The following ZCCHC14 variants were observed in gnomAD, a reference collection of about 807,000 sequenced individuals.
ZCCHC14 encodes the protein zinc finger CCHC-type containing 14.
Under a neutral mutation model 85.0 loss-of-function variants are expected in ZCCHC14, and 16 were observed. The ratio of observed to expected loss-of-function variants is 0.19; its 90% CI spans 0.13 to 0.29. The LOEUF is 0.29. Among genes scored for constraint, ZCCHC14 ranks in the 10% least tolerant of loss-of-function variants. The probability of loss-of-function intolerance (pLI) is 1.00; values close to 1 mark genes in which losing one functional copy is unlikely to be tolerated. For synonymous variants in ZCCHC14, 775 were observed against 630.7 expected (o/e 1.23, Z -3.43); for missense variants, 1,303 against 1,443.5 (o/e 0.90, Z 1.58).
At position 87,491,888 on chromosome 16, in the gene ZCCHC14, G is replaced by A; in HGVS notation, c.351C>T (p.His117=). Reference sequence around the variant, plus strand: ...CCTCGTTAAGCTGCAGCCCGTAGTTGTGGATGATGGAGTCGATGTGCGTGA... The same window carrying A: ...CCTCGTTAAGCTGCAGCCCGTAGTTATGGATGATGGAGTCGATGTGCGTGA... ...RTLTHIDSII[H]NYGLQLNEGR... The change falls in exon 1 of 13, where the codon CAC becomes CAT. Residue 117 remains histidine (H), a synonymous_variant. Transcript: ENST00000671377. The surrounding 1 kb of genome is among the most constrained non-coding windows in gnomAD (Gnocchi z 5.9). The A allele has an allele frequency of 1.3e-6, 2 of 1,540,350 alleles. No homozygotes were observed. Among genetic ancestry groups the A allele is most frequent in the South Asian group, 1.2e-5 (1 of 82,264 alleles).
chr16:87,426,972 C>T (rs975528111), intron 3 of ZCCHC14, among the ~76,000 whole-genome samples: 4 of 152,334 alleles, frequency 2.6e-5, no homozygotes, highest in East Asian at 1.9e-4. Context: ...ACGAGGCAGC[C>T]GTCCACAGAG....
At position 87,420,215 on chromosome 16, in the gene ZCCHC14, G is replaced by A. The variant is rs113165504; in HGVS notation, c.951-338C>T. Among the ~76,000 whole-genome samples, 1 of 152,202 alleles carries A rather than the reference G, an allele frequency of 6.6e-6. No homozygotes were observed. Among genetic ancestry groups the A allele is most frequent in the East Asian group, 1.9e-4 (1 of 5,196 alleles). On this transcript the variant is annotated intron_variant, in intron 5 of 12. Coordinates refer to ENST00000671377, the MANE Select transcript of ZCCHC14 (RefSeq NM_015144.3). The surrounding 1 kb of genome is among the most constrained non-coding windows in gnomAD (Gnocchi z 5.0). ...CAGCAGCACATTTACGGAACTGGTC[G>A]GCCATGTTACTTCGTGTGCCACGTG... is the stretch of plus-strand genomic sequence containing the variant.
chr16:87,420,080 G>A lies in ZCCHC14; in HGVS notation c.951-203C>T, dbSNP rs1050676363. On this transcript the variant is annotated intron_variant, in intron 5 of 12. Transcript: ENST00000671377. This position sits in a 1 kb window ranked among gnomAD's most constrained non-coding sequence, Gnocchi z 5.0. ...GCTTCTTCAAGCCCTTCCTCTCAAT[G>A]CTGTATTCATGGCCACCAAGGTTGA... is the stretch of plus-strand genomic sequence containing the variant. Among the ~76,000 whole-genome samples the A allele has an allele frequency of 6.6e-6, 1 of 152,212 alleles. No individual in the cohort carries two copies. The highest frequency in any genetic ancestry group is 1.5e-5 in the Non-Finnish European group (1 of 68,046).
At position 87,492,348 on chromosome 16, in the gene ZCCHC14, G is replaced by A; in HGVS notation, c.-110C>T. On this transcript the variant is annotated 5_prime_UTR_variant, in exon 1 of 13. Transcript: ENST00000671377. The surrounding 1 kb of genome is among the most constrained non-coding windows in gnomAD (Gnocchi z 6.7). ...GCCGGGACCGGGGACGCGCGGGCCGGGGCCGGGTCCGGGCGAGGGCGCGCG... is the reference window on the plus strand; with the variant it reads ...GCCGGGACCGGGGACGCGCGGGCCGAGGCCGGGTCCGGGCGAGGGCGCGCG... The A allele has an allele frequency of 3.9e-6, 1 of 257,952 alleles. No individual in the cohort carries two copies. Among genetic ancestry groups the A allele is most frequent in the Non-Finnish European group, 5.9e-6 (1 of 169,002 alleles). The allele number at this position is 257,952 out of a possible 1,614,324, so 16.0% of individuals were successfully genotyped here.
At chr16:87,436,270 T>C (rs117477602) in intron 2 of ZCCHC14, among the ~76,000 whole-genome samples, 2,544 of 152,368 alleles carry the variant, frequency 0.017, 25 homozygotes, top group Middle Eastern at 0.044. Flanking sequence ...AATTCTAGGC[T>C]CCAAATGTTG....
At chr16:87,452,971 G>GA (rs1182493550) in intron 2 of ZCCHC14, among the ~76,000 whole-genome samples, 1 of 152,256 alleles carries the variant, frequency 6.6e-6, no homozygotes, top group Non-Finnish European at 1.5e-5. Flanking sequence ...GGGGCCCTGA[G>GA]AAAGGAGAGA....
intron 2 of ZCCHC14, among the ~76,000 whole-genome samples, chr16:87,459,451 TCTC>T (rs1425149160): frequency 6.6e-6 from 1 of 150,712 alleles, no homozygotes; most frequent in Non-Finnish European, 1.5e-5. Context: ...TTCAAGCAAT[TCTC>T]CTGCCTCAGC....
intron 3 of ZCCHC14, among the ~76,000 whole-genome samples, chr16:87,427,763 C>T (rs898333470): frequency 2.6e-5 from 4 of 152,200 alleles, no homozygotes; most frequent in Non-Finnish European, 4.4e-5. Flanking sequence ...TCAGCCTCCT[C>T]AGTAGCTGGG....
intron 1 of ZCCHC14, among the ~76,000 whole-genome samples, chr16:87,488,328 G>C (rs1024951210): frequency 6.6e-6 from 1 of 152,142 alleles, no homozygotes; most frequent in Non-Finnish European, 1.5e-5. Context: ...TGGAACAGGC[G>C]ACTGCAGGAG....
In ZCCHC14 at chr16:87,411,892, G is replaced by A. The variant is rs1202351553; in HGVS notation, c.2829C>T (p.Tyr943=). 1.0e-5 allele frequency: 16 copies of A among 1,596,024 alleles called. No homozygotes were observed. The highest frequency in any genetic ancestry group is 1.3e-5 in the African/African-American group (1 of 74,806). ...SCGSSGLTVS[Y]ANYFQHPFSG... ...AGAACGGGTGCTGGAAGTAGTTGGC[G>A]TAGCTGACAGTCAGGCCACTCGAGC... Residue 943 remains tyrosine (Y), a synonymous_variant, in exon 12 of 13, where the codon TAC becomes TAT. Coordinates refer to ENST00000671377, the MANE Select transcript of ZCCHC14 (RefSeq NM_015144.3).
intron 3 of ZCCHC14, among the ~76,000 whole-genome samples, chr16:87,426,242 G>A (rs1283687983): frequency 6.6e-6 from 1 of 152,212 alleles, no homozygotes; most frequent in Non-Finnish European, 1.5e-5. Flanking sequence ...CCGGCCGTTA[G>A]AGGGGCATGG....
rs1911103116 is a variant in ZCCHC14 at position 87,458,740 on chromosome 16, C to T, written c.694+1268G>A. On this transcript the variant is annotated intron_variant, in intron 2 of 12. Coordinates refer to ENST00000671377, the MANE Select transcript of ZCCHC14 (RefSeq NM_015144.3). ...GTTGGGGGAGAGCGCACAGGGTGAG[C>T]GAGTGCGGCTCTGGGCCTCACGTGG... Among the ~76,000 whole-genome samples the T allele has an allele frequency of 2.6e-5, 4 of 152,256 alleles. No homozygotes were observed. In the South Asian group the frequency reaches 6.2e-4, roughly 24 times the overall value.
chr16:87,477,410 C>T (rs574293241), intron 1 of ZCCHC14, among the ~76,000 whole-genome samples: 2 of 152,290 alleles, frequency 1.3e-5, no homozygotes, highest in African/African-American at 4.8e-5. Context: ...TGGGGCAGCC[C>T]CGGGCATCAG....
chr16:87,420,813 GT>G lies in ZCCHC14; in HGVS notation c.841-98del, dbSNP rs1174184293. 1.0e-6 allele frequency: 1 copy of G among 971,032 alleles called. No homozygotes were observed. The highest frequency in any genetic ancestry group is 1.5e-6 in the Non-Finnish European group (1 of 652,732). 60.2% of individuals were successfully genotyped at this position (971,032 alleles called of 1,614,324 possible). A position where few individuals can be genotyped will look rare whatever the true frequency, so the allele number is the denominator to read the frequency against. ...GAAAACCTGGGGCAGGTGCTCCATG[GT>G]GCCGCCTGCTGGTCTGATATGATTT... On this transcript the variant is annotated intron_variant, in intron 4 of 12. Transcript: ENST00000671377. This position sits in a 1 kb window ranked among gnomAD's most constrained non-coding sequence, Gnocchi z 5.0.
intron 9 of ZCCHC14, 135 bp from the exon 10 acceptor site, chr16:87,414,676 A>C: frequency 8.1e-7 from 1 of 1,239,262 alleles, no homozygotes; most frequent in Non-Finnish European, 1.1e-6. Context: ...TCTACTCCAC[A>C]CCACAGGGAA....
At chr16:87,413,550 C>A (rs1908600767) in intron 10 of ZCCHC14, among the ~76,000 whole-genome samples, 1 of 152,050 alleles carries the variant, frequency 6.6e-6, no homozygotes, top group South Asian at 2.1e-4. Flanking sequence ...GTCAAATCAC[C>A]ACTTAAAATC....
At position 87,420,569 on chromosome 16, in the gene ZCCHC14, C is replaced by T. The variant is rs1468300361; in HGVS notation, c.950+38G>A. Reference sequence around the variant, plus strand: ...GACCACAGGACCAGCCTGTCCTTGCCAGCTGTGGACGCGCCGGGTGCCTGG... The same window carrying T: ...GACCACAGGACCAGCCTGTCCTTGCTAGCTGTGGACGCGCCGGGTGCCTGG... On this transcript the variant is annotated intron_variant, in intron 5 of 12. Transcript: ENST00000671377. This position sits in a 1 kb window ranked among gnomAD's most constrained non-coding sequence, Gnocchi z 5.0. The T allele has an allele frequency of 6.5e-7, 1 of 1,548,948 alleles. No individual in the cohort carries two copies. Among genetic ancestry groups the T allele is most frequent in the Non-Finnish European group, 8.8e-7 (1 of 1,135,112 alleles).
In ZCCHC14 at chr16:87,465,994, C is replaced by T. The variant is rs569605193; in HGVS notation, c.571-5863G>A. Among the ~76,000 whole-genome samples, 14 of 152,230 alleles carry T rather than the reference C, an allele frequency of 9.2e-5. No individual in the cohort carries two copies. In the South Asian group the frequency reaches 2.9e-3, roughly 32 times the overall value. Reference sequence around the variant, plus strand: ...TAGATGGGATGGAAAAGGGAATCCCCGCACTGCGCAATTAGACCAGAGGGA... The same window carrying T: ...TAGATGGGATGGAAAAGGGAATCCCTGCACTGCGCAATTAGACCAGAGGGA... On this transcript the variant is annotated intron_variant, in intron 1 of 12. Transcript: ENST00000671377.
At chr16:87,426,459 C>G (rs1179947684) in intron 3 of ZCCHC14, among the ~76,000 whole-genome samples, 2 of 152,246 alleles carry the variant, frequency 1.3e-5, no homozygotes, top group Non-Finnish European at 2.9e-5. Context: ...TGTAATGCAT[C>G]TTCATCACAC....
Sources: allele counts gnomAD v4.1 joint callset (sites outside exome capture counted in the v4.1 genomes callset), GRCh38; gene constraint gnomAD v4.1.1; non-coding constraint Gnocchi (gnomAD v3.1); transcripts MANE v1.5; gene names NCBI Gene and HGNC (gene_info 2026-07-23, HGNC 2026-07-21).